Variants in NUDT19 observed in about 807,000 individuals in gnomAD.
NUDT19 encodes the protein acyl-coenzyme A diphosphatase NUDT19.
Under a neutral mutation model 22.2 loss-of-function variants are expected in NUDT19, and 31 were observed. That is an observed-to-expected ratio of 1.40 (90% CI 1.05 to 1.89). The LOEUF is 1.89. Among genes scored for constraint, NUDT19 ranks in the 40% most tolerant of loss-of-function variants. The probability of loss-of-function intolerance (pLI) is 0.00; values close to 1 mark genes in which losing one functional copy is unlikely to be tolerated. For missense variants in NUDT19, 752 were observed against 514.2 expected, an observed-to-expected ratio of 1.46 and a Z score of -4.47; for synonymous variants, 325 against 230.8, an observed-to-expected ratio of 1.41 and a Z score of -3.70.
chr19:32,712,128 G>A lies in NUDT19; in HGVS notation c.*171G>A. On this transcript the variant is annotated 3_prime_UTR_variant, in exon 3 of 3. Transcript: ENST00000397061. ...CTCAATCTGTCGCCCAGGCTGGAGT[G>A]CAGTGGCATGATATAGGCTCACTGG... is the stretch of plus-strand genomic sequence containing the variant. 6 of 587,110 alleles carry A rather than the reference G, an allele frequency of 1.0e-5. No individual in the cohort carries two copies. The South Asian group carries it at 1.2e-4, about 12-fold the overall frequency. 36.4% of individuals were successfully genotyped at this position (587,110 alleles called of 1,614,324 possible).
rs752733405 is a variant in NUDT19, at chr19:32,692,438, C to T, written c.478C>T (p.Pro160Ser). Residue 160 changes from proline (P) to serine (S), a missense_variant, in exon 1 of 3, where the codon CCA (proline) becomes TCA (serine). Coordinates refer to ENST00000397061, the MANE Select transcript of NUDT19 (RefSeq NM_001105570.2). Reference sequence around the variant, plus strand: ...ACCCGGGCCTGGCCTCGCCCTGGAGCCACCGCCGGGCCTGGCCTCCTGGCG... The same window carrying T: ...ACCCGGGCCTGGCCTCGCCCTGGAGTCACCGCCGGGCCTGGCCTCCTGGCG... The part of the protein sequence containing the change: ...PAPGPGLALE[P>S]PPGLASWRDR... 1 of 1,548,402 alleles carries T rather than the reference C, an allele frequency of 6.5e-7. No individual in the cohort carries two copies. The highest frequency in any genetic ancestry group is 8.7e-7 in the Non-Finnish European group (1 of 1,153,240).
intron 1 of NUDT19, among the ~76,000 whole-genome samples, chr19:32,693,752 G>A (rs192428612): frequency 1.5e-4 from 23 of 152,200 alleles, no homozygotes; most frequent in Admixed American, 1.1e-3. Flanking sequence ...TGATTGGTGC[G>A]TTTTTACAGA....
intron 1 of NUDT19, among the ~76,000 whole-genome samples, chr19:32,701,199 GTTTTTTTTTTTTT>G (rs3042685): frequency 2.0e-5 from 2 of 101,032 alleles, no homozygotes; most frequent in Non-Finnish European, 3.7e-5. Flanking sequence ...CATCTTGCAG[GTTTTTTTTTTTTT>G]TTTTTTTTTT....
chr19:32,696,370 T>G (rs1968263550), intron 1 of NUDT19, among the ~76,000 whole-genome samples: 1 of 144,476 alleles, frequency 6.9e-6, no homozygotes, highest in South Asian at 2.2e-4. Context: ...GTCTAGCCTT[T>G]TGCTACTGTA....
intron 1 of NUDT19, among the ~76,000 whole-genome samples, chr19:32,706,313 A>G (rs943938941): frequency 6.6e-6 from 1 of 152,154 alleles, no homozygotes; most frequent in Non-Finnish European, 1.5e-5. Flanking sequence ...GAAAATATTA[A>G]GATATTTGGA....
intron 1 of NUDT19, among the ~76,000 whole-genome samples, chr19:32,707,376 G>A (rs1279449853): frequency 7.2e-5 from 11 of 152,144 alleles, no homozygotes; most frequent in Admixed American, 7.2e-4. Context: ...CCATACCAGG[G>A]CCCTGGGAAT....
chr19:32,694,436 T>C (rs1250369811), intron 1 of NUDT19, among the ~76,000 whole-genome samples: 1 of 152,184 alleles, frequency 6.6e-6, no homozygotes, highest in Non-Finnish European at 1.5e-5. Flanking sequence ...CCTTACTGAA[T>C]AGATTTTGTT....
At chr19:32,695,775 G>A (rs959846323) in intron 1 of NUDT19, among the ~76,000 whole-genome samples, 2 of 152,214 alleles carry the variant, frequency 1.3e-5, no homozygotes, top group African/African-American at 4.8e-5. Flanking sequence ...GGTTAGGAAC[G>A]CTCTTTCTTT....
intron 1 of NUDT19, among the ~76,000 whole-genome samples, chr19:32,694,559 G>A (rs1968241739): frequency 6.6e-6 from 1 of 152,220 alleles, no homozygotes; most frequent in South Asian, 2.1e-4. Flanking sequence ...AGCCCTATAA[G>A]TAGGGGTATC....
At chr19:32,700,012 A>G (rs1002670026) in intron 1 of NUDT19, among the ~76,000 whole-genome samples, 15 of 152,192 alleles carry the variant, frequency 9.9e-5, no homozygotes, top group African/African-American at 3.4e-4. Context: ...CTTGGAGTGA[A>G]GCTGCAGACC....
chr19:32,693,006 G>C (rs1463284842), intron 1 of NUDT19, among the ~76,000 whole-genome samples: 2 of 149,762 alleles, frequency 1.3e-5, no homozygotes, highest in African/African-American at 5.1e-5. Context: ...TTGGAGAACA[G>C]ACTTAATATG....
chr19:32,694,602 T>G (rs902793984), intron 1 of NUDT19, among the ~76,000 whole-genome samples: 2 of 152,194 alleles, frequency 1.3e-5, no homozygotes, highest in Non-Finnish European at 2.9e-5. Flanking sequence ...GGACTTGAGC[T>G]TTGAGGGGCA....
chr19:32,710,258 C>T (rs1968431677), intron 2 of NUDT19, among the ~76,000 whole-genome samples: 1 of 151,270 alleles, frequency 6.6e-6, no homozygotes, highest in Non-Finnish European at 1.5e-5. Context: ...AGGTGATCCG[C>T]CCGCCTCAGC....
Position 32,712,173 on chromosome 19 carries a change from C to A in NUDT19, c.*216C>A, listed in dbSNP as rs1968454409. 2.2e-6 allele frequency: 1 copy of A among 445,526 alleles called. No homozygotes were observed. The highest frequency in any genetic ancestry group is 4.0e-5 in the East Asian group (1 of 24,898). The allele number at this position is 445,526 out of a possible 1,614,324, so 27.6% of individuals were successfully genotyped here. A position where few individuals can be genotyped will look rare whatever the true frequency, so the allele number is the denominator to read the frequency against. On this transcript the variant is annotated 3_prime_UTR_variant, in exon 3 of 3. Transcript: ENST00000397061. ...CACTGGAAGCTCTGCCTCAGGGGTT[C>A]ATGCCATTCTCCTGCCTCAGCCTCC...
Position 32,692,388 on chromosome 19 carries a change from C to G in NUDT19, c.428C>G (p.Pro143Arg). The change falls in exon 1 of 3, where the codon CCC (proline) becomes CGC (arginine). Residue 143 changes from proline to arginine, a missense_variant. Pro to Arg is a moderately radical substitution (Grantham distance 103). Transcript: ENST00000397061. ...GAGGCGGGCGTGCTGCTGCTGCGGCCCAGGACTTCCCCACCAGGCCCAGCA... is the reference window on the plus strand; with the variant it reads ...GAGGCGGGCGTGCTGCTGCTGCGGCGCAGGACTTCCCCACCAGGCCCAGCA... Reference protein sequence around the residue: ...FEEAGVLLLRPRTSPPGPAPG... With the variant: ...FEEAGVLLLRRRTSPPGPAPG... 1 of 1,581,802 alleles carries G rather than the reference C, an allele frequency of 6.3e-7. No homozygotes were observed. The highest frequency in any genetic ancestry group is 8.5e-7 in the Non-Finnish European group (1 of 1,172,102).
At chr19:32,699,752 G>A (rs1029361194) in intron 1 of NUDT19, among the ~76,000 whole-genome samples, 5 of 152,192 alleles carry the variant, frequency 3.3e-5, no homozygotes, top group African/African-American at 1.2e-4. Context: ...CCTTCTGGTG[G>A]GTTCTTGGTT....
intron 1 of NUDT19, among the ~76,000 whole-genome samples, chr19:32,698,907 C>T (rs1393306031): frequency 6.6e-6 from 1 of 152,086 alleles, no homozygotes; most frequent in Non-Finnish European, 1.5e-5. Flanking sequence ...AGATGTTATG[C>T]CCCCAAAATG....
chr19:32,692,850 G>T (rs1968215918), intron 1 of NUDT19, among the ~76,000 whole-genome samples, 176 bp downstream of exon 1: 1 of 152,368 alleles, frequency 6.6e-6, no homozygotes, highest in East Asian at 1.9e-4. Context: ...CCATGCTCTT[G>T]GTGAAGTGCT....
chr19:32,700,001 G>A (rs1433507180), intron 1 of NUDT19, among the ~76,000 whole-genome samples: 1 of 151,918 alleles, frequency 6.6e-6, no homozygotes, highest in Non-Finnish European at 1.5e-5. Context: ...GGTCTCGCTG[G>A]CTTGGAGTGA....
Sources: gnomAD v4.1 joint callset for allele counts (sites outside exome capture counted in the v4.1 genomes callset) on GRCh38, gnomAD v4.1.1 for gene constraint, MANE v1.5 for transcripts, NCBI Gene and HGNC (gene_info 2026-07-23, HGNC 2026-07-21) for gene names.